CAMK1D: variants seen among roughly 807,000 people sequenced by gnomAD.
CAMK1D encodes the protein calcium/calmodulin dependent protein kinase ID, also known as calcium/calmodulin-dependent protein kinase type 1D.
A neutral mutation model predicts 47.7 loss-of-function variants in CAMK1D; 9 were observed. The observed-to-expected ratio is 0.19, with a 90% CI of 0.11 to 0.33. The LOEUF is 0.33. Ranked by LOEUF, CAMK1D falls within the 10% of genes least tolerant of loss-of-function variation. The pLI, the probability that CAMK1D is intolerant of heterozygous loss-of-function variation, is 1.00. For synonymous variants in CAMK1D, 184 were observed against 184.9 expected, an observed-to-expected ratio of 0.99 and a Z score of 0.04; for missense variants, 291 against 488.7, an observed-to-expected ratio of 0.60 and a Z score of 3.81.
At chr10:12,387,381 TTATATATATTATATATTTTTA>T (rs1564306851) in intron 1 of CAMK1D, among the ~76,000 whole-genome samples, 4 of 33,072 alleles carry the variant, frequency 1.2e-4, no homozygotes, top group Non-Finnish European at 2.2e-4. Flanking sequence ...ATATTATATA[TTATATATATTATATATTTTTA>T]TATATTATAT....
chr10:12,827,301 C>CTTTTT, intron 10 of CAMK1D, among the ~76,000 whole-genome samples: 1 of 84,492 alleles, frequency 1.2e-5, no homozygotes, highest in Non-Finnish European at 2.4e-5. Context: ...CTTTCTTTCT[C>CTTTTT]TCTCTTTTTC....
At chr10:12,382,289 C>T (rs1050919037) in intron 1 of CAMK1D, among the ~76,000 whole-genome samples, 1 of 151,994 alleles carries the variant, frequency 6.6e-6, no homozygotes, top group African/African-American at 2.4e-5. Flanking sequence ...TAGTCAGCCC[C>T]ATGGACACCT....
intron 4 of CAMK1D, among the ~76,000 whole-genome samples, chr10:12,763,732 C>T (rs975912944): frequency 3.3e-5 from 5 of 152,194 alleles, no homozygotes; most frequent in Non-Finnish European, 7.3e-5. Flanking sequence ...ATAACATTAA[C>T]GTTACCAGAA....
At chr10:12,656,325 T>A (rs1171055522) in intron 2 of CAMK1D, among the ~76,000 whole-genome samples, 6 of 152,132 alleles carry the variant, frequency 3.9e-5, no homozygotes, top group Non-Finnish European at 1.5e-5. Context: ...ATCCCATCTC[T>A]ACAAAAATAT....
intron 1 of CAMK1D, among the ~76,000 whole-genome samples, chr10:12,387,398 T>TATA (rs1838545281): frequency 3.1e-5 from 1 of 32,116 alleles, no homozygotes; most frequent in African/African-American, 7.4e-5. Context: ...TATTATATAT[T>TATA]TTTATATATT....
At chr10:12,651,415 G>A (rs958114068) in intron 2 of CAMK1D, among the ~76,000 whole-genome samples, 1 of 152,086 alleles carries the variant, frequency 6.6e-6, no homozygotes, top group Non-Finnish European at 1.5e-5. Flanking sequence ...TTTTTGAAAT[G>A]GAGTCTCACT....
intron 3 of CAMK1D, among the ~76,000 whole-genome samples, chr10:12,748,933 T>G (rs1363554458): frequency 6.6e-6 from 1 of 152,172 alleles, no homozygotes; most frequent in Non-Finnish European, 1.5e-5. Context: ...GAAGAAATCT[T>G]AAGGGGCTGA....
intron 2 of CAMK1D, among the ~76,000 whole-genome samples, chr10:12,648,148 C>T (rs1839862349): frequency 6.6e-6 from 1 of 152,138 alleles, no homozygotes; most frequent in Non-Finnish European, 1.5e-5. Context: ...TTTTTATAGA[C>T]CTTAAAGACA....
At chr10:12,569,722 C>CAAA (rs56335336) in intron 2 of CAMK1D, among the ~76,000 whole-genome samples, 15,119 of 71,306 alleles carry the variant, frequency 0.21, 2,373 homozygotes, top group East Asian at 0.34. Context: ...GACTCCGTCT[C>CAAA]AAAAAAAAAA....
chr10:12,593,160 C>A (rs1438079820), intron 2 of CAMK1D, among the ~76,000 whole-genome samples: 1 of 152,184 alleles, frequency 6.6e-6, no homozygotes, highest in Non-Finnish European at 1.5e-5. Context: ...GGGCTGAGTT[C>A]CAGTAAAACT....
intron 2 of CAMK1D, among the ~76,000 whole-genome samples, chr10:12,597,734 A>G (rs1026878397): frequency 1.3e-5 from 2 of 152,158 alleles, no homozygotes; most frequent in African/African-American, 4.8e-5. Context: ...TGGGCCACCC[A>G]TAGGGCTGTC....
chr10:12,408,060 G>A (rs1371786399), intron 1 of CAMK1D, among the ~76,000 whole-genome samples: 1 of 152,100 alleles, frequency 6.6e-6, no homozygotes, highest in East Asian at 1.9e-4. Context: ...GTTTTACCAT[G>A]TTGGCCAGGC....
chr10:12,571,169 A>G (rs2815616), intron 2 of CAMK1D, among the ~76,000 whole-genome samples: 104,858 of 151,872 alleles, frequency 0.69, 37,075 homozygotes, highest in African/African-American at 0.85. Context: ...TCACAGGGCC[A>G]GGTGCAGTGG....
chr10:12,380,544 C>T (rs1370553157), intron 1 of CAMK1D, among the ~76,000 whole-genome samples: 1 of 152,142 alleles, frequency 6.6e-6, no homozygotes, highest in East Asian at 1.9e-4. Context: ...CATGATGCCA[C>T]CCAAGTCAAT....
intron 1 of CAMK1D, among the ~76,000 whole-genome samples, chr10:12,462,678 A>C (rs1833471239): frequency 6.6e-6 from 1 of 152,060 alleles, no homozygotes; most frequent in Non-Finnish European, 1.5e-5. Flanking sequence ...GGCTGATATG[A>C]GTTGTGGAGC....
At chr10:12,807,875 CT>C (rs1341214169) in intron 6 of CAMK1D, among the ~76,000 whole-genome samples, 10 of 152,228 alleles carry the variant, frequency 6.6e-5, no homozygotes, top group African/African-American at 2.4e-4. Flanking sequence ...CGCCACATCT[CT>C]GCTGCAAAGC....
At chr10:12,721,168 T>A (rs1462071742) in intron 3 of CAMK1D, among the ~76,000 whole-genome samples, 1 of 152,244 alleles carries the variant, frequency 6.6e-6, no homozygotes, top group Non-Finnish European at 1.5e-5. Flanking sequence ...AGCTTGGACG[T>A]ACAGAATAGC....
chr10:12,507,589 T>C (rs1834914670), intron 1 of CAMK1D, among the ~76,000 whole-genome samples: 1 of 152,024 alleles, frequency 6.6e-6, no homozygotes. Flanking sequence ...TGTGCCTCTG[T>C]GTAGGTTTTT....
In CAMK1D at chr10:12,786,663, T is replaced by C. The variant is rs1837738233; in HGVS notation, c.566-4495T>C. On this transcript the variant is annotated intron_variant, in intron 5 of 10. Transcript: ENST00000619168. ...AGCTTCCAACTCTGGGCTCAAGTGA[T>C]CCTCCTGTCTTAGCCTTCCAAAATG... is the stretch of plus-strand genomic sequence containing the variant. Among the ~76,000 whole-genome samples, 3 of 152,326 alleles carry C rather than the reference T, an allele frequency of 2.0e-5. No homozygotes were observed. The South Asian group carries it at 6.2e-4, about 32-fold the overall frequency.
Sources: gnomAD v4.1 joint callset for allele counts (sites outside exome capture counted in the v4.1 genomes callset) on GRCh38, gnomAD v4.1.1 for gene constraint, MANE v1.5 for transcripts, NCBI Gene and HGNC (gene_info 2026-07-23, HGNC 2026-07-21) for gene names.